The following CERKL variants were observed in gnomAD, a reference collection of about 807,000 sequenced individuals.
The protein encoded by CERKL is ceramide kinase-like protein.
CERKL carries 61 observed loss-of-function variants against 63.4 expected under a neutral mutation model. The ratio of observed to expected loss-of-function variants is 0.96; its 90% CI spans 0.78 to 1.19. CERKL has a LOEUF of 1.19. CERKL is among the 50% of genes most tolerant of loss of function. The pLI, the probability that CERKL is intolerant of heterozygous loss-of-function variation, is 0.00. For missense variants in CERKL, 675 were observed against 655.5 expected, an observed-to-expected ratio of 1.03 and a Z score of -0.33; for synonymous variants, 250 against 230.5, an observed-to-expected ratio of 1.08 and a Z score of -0.77.
intron 2 of CERKL, among the ~76,000 whole-genome samples, chr2:181,575,552 G>A (rs1689097207): frequency 6.6e-6 from 1 of 152,116 alleles, no homozygotes; most frequent in Non-Finnish European, 1.5e-5. Flanking sequence ...TCTGGAAAAG[G>A]CTTCAAGAGA....
At chr2:181,630,783 A>G (rs903790030) in intron 1 of CERKL, among the ~76,000 whole-genome samples, 5 of 152,112 alleles carry the variant, frequency 3.3e-5, no homozygotes, top group African/African-American at 1.2e-4. Context: ...CTCCTATACT[A>G]TCCTGCCTTG....
intron 1 of CERKL, among the ~76,000 whole-genome samples, chr2:181,614,127 C>G (rs1395003063): frequency 1.3e-5 from 2 of 151,482 alleles, no homozygotes; most frequent in African/African-American, 4.9e-5. Context: ...TGTGGGGTCG[C>G]AGGCCACTGG....
chr2:181,617,258 A>C (rs2105912716), intron 1 of CERKL: 1 of 152,378 alleles, frequency 6.6e-6, no homozygotes, highest in East Asian at 1.9e-4. Context: ...TACATACAGC[A>C]TTTCTGCTAC....
chr2:181,651,468 C>A (rs1687934857), intron 1 of CERKL, among the ~76,000 whole-genome samples: 1 of 152,106 alleles, frequency 6.6e-6, no homozygotes, highest in Admixed American at 6.5e-5. Flanking sequence ...CAAAATGTGG[C>A]ATAATTTCAT....
chr2:181,564,099 G>A (rs540927032), intron 4 of CERKL, among the ~76,000 whole-genome samples: 3 of 152,088 alleles, frequency 2.0e-5, no homozygotes, highest in Non-Finnish European at 2.9e-5. Context: ...TATATCCCTC[G>A]CGTGCCCAGT....
intron 1 of CERKL, among the ~76,000 whole-genome samples, chr2:181,618,477 C>T (rs994630256): frequency 4.6e-5 from 7 of 151,736 alleles, no homozygotes; most frequent in Non-Finnish European, 5.9e-5. Context: ...AGTCCAGTGG[C>T]GCAATCTCGG....
intron 2 of CERKL, among the ~76,000 whole-genome samples, chr2:181,588,725 C>T (rs1246527015): frequency 6.6e-6 from 1 of 152,120 alleles, no homozygotes; most frequent in Non-Finnish European, 1.5e-5. Flanking sequence ...GCTAGAGTTC[C>T]TTTTTCTCCA....
chr2:181,568,766 T>G (rs1232557439), intron 3 of CERKL, among the ~76,000 whole-genome samples: 2 of 151,630 alleles, frequency 1.3e-5, no homozygotes, highest in Non-Finnish European at 2.9e-5. Flanking sequence ...ACATGTGCCA[T>G]GCTGGTGCGC....
At chr2:181,571,772 G>A (rs745632278) in intron 3 of CERKL, among the ~76,000 whole-genome samples, 4 of 152,084 alleles carry the variant, frequency 2.6e-5, no homozygotes, top group Non-Finnish European at 5.9e-5. Context: ...AGGAAAAGGG[G>A]ATCTGTCCTC....
At chr2:181,547,950 C>G (rs1208154004) in intron 8 of CERKL, 103 bp from the exon 9 acceptor site, 4 of 1,120,784 alleles carry the variant, frequency 3.6e-6, no homozygotes, top group African/African-American at 3.2e-5. Flanking sequence ...GAGAACTCAT[C>G]ATTATATATG....
At chr2:181,556,603 A>G (rs1464661867) in intron 5 of CERKL, among the ~76,000 whole-genome samples, 3 of 152,182 alleles carry the variant, frequency 2.0e-5, no homozygotes, top group African/African-American at 7.2e-5. Context: ...ATAGTATTCC[A>G]TGGTGTATAT....
intron 5 of CERKL, among the ~76,000 whole-genome samples, chr2:181,552,396 A>C (rs902562748): frequency 6.6e-6 from 1 of 152,120 alleles, no homozygotes; most frequent in African/African-American, 2.4e-5. Flanking sequence ...GTGAGTTCTC[A>C]TGAGATCTGA....
At chr2:181,655,497 G>A (rs1279621832) in intron 1 of CERKL, among the ~76,000 whole-genome samples, 1 of 152,294 alleles carries the variant, frequency 6.6e-6, no homozygotes, top group African/African-American at 2.4e-5. Flanking sequence ...TAACTTAAAA[G>A]GTTCAAGAAA....
At chr2:181,600,945 C>T (rs1309512147) in intron 2 of CERKL, among the ~76,000 whole-genome samples, 1 of 152,052 alleles carries the variant, frequency 6.6e-6, no homozygotes, top group East Asian at 1.9e-4. Context: ...TAAAATTGAC[C>T]ACATAGTCGT....
At chr2:181,574,016 T>C in intron 2 of CERKL, 132 bp from the exon 3 acceptor site, 1 of 821,156 alleles carries the variant, frequency 1.2e-6, no homozygotes, top group South Asian at 1.8e-5. Context: ...TATTTGAAAT[T>C]CTTGCAAGAG....
intron 6 of CERKL, 38 bp from the exon 7 acceptor site, chr2:181,548,895 T>C (rs374294052): frequency 3.2e-6 from 5 of 1,568,184 alleles, no homozygotes; most frequent in African/African-American, 1.3e-5. Context: ...GTGAGTACAG[T>C]AGGACTTGTA....
chr2:181,630,280 A>C lies in CERKL; in HGVS notation c.239-26201T>G, dbSNP rs1227524427. Among the ~76,000 whole-genome samples, 38 of 151,994 alleles carry C rather than the reference A, an allele frequency of 2.5e-4. 1 individual carries two copies. Among genetic ancestry groups the C allele is most frequent in the Non-Finnish European group, 1.5e-5 (1 of 67,992 alleles). On this transcript the variant is annotated intron_variant, in intron 1 of 12. Coordinates refer to ENST00000410087, the MANE Select transcript of CERKL (RefSeq NM_201548.5). Reference sequence around the variant, plus strand: ...AGGCTGATCTTGAACTTCTGGGCTTAAGCAATCTACCTTCCCTGGCCTCCC... The same window carrying C: ...AGGCTGATCTTGAACTTCTGGGCTTCAGCAATCTACCTTCCCTGGCCTCCC...
intron 10 of CERKL, among the ~76,000 whole-genome samples, chr2:181,547,130 G>A (rs1406193365): frequency 1.3e-5 from 2 of 152,000 alleles, no homozygotes; most frequent in Non-Finnish European, 2.9e-5. Flanking sequence ...CCCCAGCAAC[G>A]TGGAACTGTA....
intron 2 of CERKL, among the ~76,000 whole-genome samples, chr2:181,577,244 G>A (rs561005739): frequency 1.3e-5 from 2 of 152,312 alleles, no homozygotes; most frequent in Admixed American, 6.5e-5. Context: ...GAGAGAGTGA[G>A]AGTAAGATAG....
Sources: allele counts gnomAD v4.1 joint callset (sites outside exome capture counted in the v4.1 genomes callset), GRCh38; gene constraint gnomAD v4.1.1; transcripts MANE v1.5; gene names NCBI Gene and HGNC (gene_info 2026-07-23, HGNC 2026-07-21).